ITPR1: variants seen among roughly 807,000 people sequenced by gnomAD.
The protein encoded by ITPR1 is inositol 1,4,5-trisphosphate receptor type 1, also known as inositol 1,4,5-trisphosphate-gated calcium channel ITPR1.
A neutral mutation model predicts 318.4 loss-of-function variants in ITPR1; 96 were observed. That is an observed-to-expected ratio of 0.30 (90% confidence interval 0.26 to 0.36). The LOEUF (loss-of-function observed/expected upper bound fraction) is 0.36, where lower values mean the gene tolerates loss of function less well. Ranked by LOEUF, ITPR1 falls within the 10% of genes least tolerant of loss-of-function variation. The probability of loss-of-function intolerance (pLI) is 1.00; values close to 1 mark genes in which losing one functional copy is unlikely to be tolerated. For synonymous variants in ITPR1, 1,312 were observed against 1,289.9 expected (o/e 1.02, Z -0.37); for missense variants, 2,440 against 3,460.2 (o/e 0.71, Z 7.40).
rs2094596051 is a variant in ITPR1, at chr3:4,698,639, A to G, written c.4408-1174A>G. On this transcript the variant is annotated intron_variant, in intron 34 of 61. Coordinates refer to ENST00000649015, the MANE Select transcript of ITPR1 (RefSeq NM_001378452.1). ...TAAAACTTTATTTATAAAGATAATT[A>G]CTGGCCCTGATTTTGCCGATCCTTG... Among the ~76,000 whole-genome samples, 2 of 152,214 alleles carry G rather than the reference A, an allele frequency of 1.3e-5. 1 individual carries two copies. Among genetic ancestry groups the G allele is most frequent in the African/African-American group, 4.8e-5 (2 of 41,464 alleles).
chr3:4,607,364 T>G (rs2091775624), intron 4 of ITPR1, among the ~76,000 whole-genome samples: 2 of 152,172 alleles, frequency 1.3e-5, no homozygotes, highest in African/African-American at 4.8e-5. Context: ...CAGGGCCGCT[T>G]GCCTTAGAAT....
chr3:4,706,395 C>T (rs371741307), intron 37 of ITPR1, 44 bp downstream of exon 37: 110 of 1,529,680 alleles, frequency 7.2e-5, no homozygotes, highest in East Asian at 2.7e-4. Flanking sequence ...CCTGGCCTCA[C>T]GTGATTGCCA....
rs761779906 is a variant in ITPR1, at chr3:4,788,032, G to A, written c.6701G>A (p.Arg2234Gln). ...TTCCTAACCAAGGAGTCAAAACTAC[G>A]AATTTACTATACTACAGAGAGAGAC... ...CEFLTKESKL[R>Q]IYYTTERDEQ... is the part of the protein sequence containing the mutation. The change falls in exon 52 of 62, where the codon CGA becomes CAA. Residue 2234 changes from arginine (R) to glutamine (Q), a missense_variant. Coordinates refer to ENST00000649015, the MANE Select transcript of ITPR1 (RefSeq NM_001378452.1). The A allele has an allele frequency of 3.7e-6, 6 of 1,612,540 alleles. No homozygotes were observed. Among genetic ancestry groups the A allele is most frequent in the African/African-American group, 2.7e-5 (2 of 74,884 alleles).
chr3:4,557,131 A>C (rs976893280), intron 4 of ITPR1, among the ~76,000 whole-genome samples: 11 of 152,188 alleles, frequency 7.2e-5, no homozygotes. Flanking sequence ...TCACGCTGCT[A>C]ATAAAGACAT....
chr3:4,818,955 C>T (rs886660925), intron 60 of ITPR1, among the ~76,000 whole-genome samples: 3 of 152,070 alleles, frequency 2.0e-5, no homozygotes, highest in Non-Finnish European at 2.9e-5. Flanking sequence ...TGGATAGTGG[C>T]GTGAGGAGCA....
chr3:4,586,436 G>A, intron 4 of ITPR1, among the ~76,000 whole-genome samples: 1 of 151,940 alleles, frequency 6.6e-6, no homozygotes, highest in East Asian at 1.9e-4. Context: ...TCTAGAAACG[G>A]CCTAACTGCT....
chr3:4,845,358 G>GAAGT (rs2051685319), intron 61 of ITPR1, among the ~76,000 whole-genome samples: 1 of 152,198 alleles, frequency 6.6e-6, no homozygotes, highest in South Asian at 2.1e-4. Flanking sequence ...TACAGAGACA[G>GAAGT]AAGTAAGTAT....
rs2046430803 is a variant in ITPR1, at chr3:4,775,538, T to G, written c.6180+96T>G. On this transcript the variant is annotated intron_variant, in intron 47 of 61. Coordinates refer to ENST00000649015, the MANE Select transcript of ITPR1 (RefSeq NM_001378452.1). ...CAGAAATCACGAAGCCTGTGCCTGT[T>G]GGCCTAGGGAGTCAGTAGGACAGGA... The G allele has an allele frequency of 1.2e-5, 11 of 906,506 alleles. No homozygotes were observed. In the South Asian group the frequency reaches 1.7e-4, roughly 14 times the overall value. The allele number at this position is 906,506 out of a possible 1,614,324, so 56.2% of individuals were successfully genotyped here. A position where few individuals can be genotyped will look rare whatever the true frequency, so the allele number is the denominator to read the frequency against.
chr3:4,575,218 C>T (rs868595384), intron 4 of ITPR1, among the ~76,000 whole-genome samples: 1 of 152,090 alleles, frequency 6.6e-6, no homozygotes, highest in Non-Finnish European at 1.5e-5. Context: ...TTAAGCAAAG[C>T]GTATTATGGG....
chr3:4,543,600 G>C lies in ITPR1; in HGVS notation c.163+22506G>C, dbSNP rs144121579. Among the ~76,000 whole-genome samples, 8 of 152,240 alleles carry C rather than the reference G, an allele frequency of 5.3e-5. No homozygotes were observed. In the East Asian group the frequency reaches 1.2e-3, roughly 22 times the overall value. Reference sequence around the variant, plus strand: ...TGGGGCTATAGGCACGTGCCACCACGCCTGGCTAATTTTTGTATTTTTAGT... The same window carrying C: ...TGGGGCTATAGGCACGTGCCACCACCCCTGGCTAATTTTTGTATTTTTAGT... On this transcript the variant is annotated intron_variant, in intron 4 of 61. Coordinates refer to ENST00000649015, the MANE Select transcript of ITPR1 (RefSeq NM_001378452.1).
At chr3:4,814,835 G>A (rs981034639) in intron 58 of ITPR1, 9 of 593,782 alleles carry the variant, frequency 1.5e-5, no homozygotes, top group African/African-American at 1.1e-4. Context: ...CCACCTGAAC[G>A]CACAGTGAAT....
At chr3:4,583,742 T>C (rs1372953317) in intron 4 of ITPR1, among the ~76,000 whole-genome samples, 1 of 152,192 alleles carries the variant, frequency 6.6e-6, no homozygotes, top group Non-Finnish European at 1.5e-5. Flanking sequence ...AGTTCTGCGC[T>C]GGGAACTTGA....
chr3:4,692,774 G>T (rs940867066), intron 32 of ITPR1, among the ~76,000 whole-genome samples: 15 of 152,164 alleles, frequency 9.9e-5, no homozygotes, highest in Admixed American at 1.3e-4. Context: ...GTTGATTGAA[G>T]AGATAAGATG....
intron 31 of ITPR1, among the ~76,000 whole-genome samples, chr3:4,690,693 A>G (rs2094467164): frequency 1.3e-5 from 2 of 152,210 alleles, no homozygotes; most frequent in South Asian, 4.1e-4. Flanking sequence ...TTAAAACTGG[A>G]TCCTACTCCA....
At chr3:4,511,530 A>G (rs2081822900) in intron 2 of ITPR1, among the ~76,000 whole-genome samples, 1 of 152,166 alleles carries the variant, frequency 6.6e-6, no homozygotes, top group African/African-American at 2.4e-5. Context: ...TGGCGGTCTG[A>G]TAGTACTATT....
intron 36 of ITPR1, among the ~76,000 whole-genome samples, chr3:4,703,267 C>T (rs1376885445): frequency 1.3e-5 from 2 of 152,168 alleles, no homozygotes; most frequent in African/African-American, 2.4e-5. Context: ...GTCCCTCATT[C>T]AAGAAACTAA....
intron 42 of ITPR1, among the ~76,000 whole-genome samples, chr3:4,732,194 A>G (rs1021935115): frequency 3.3e-5 from 5 of 152,240 alleles, no homozygotes; most frequent in Non-Finnish European, 7.3e-5. Context: ...AGTATCCCCC[A>G]GTATTACTGA....
chr3:4,601,063 G>A (rs889088903), intron 4 of ITPR1, among the ~76,000 whole-genome samples: 2 of 152,014 alleles, frequency 1.3e-5, no homozygotes, highest in Non-Finnish European at 1.5e-5. Context: ...CTGTGGAGAG[G>A]GTTTGGTAGA....
rs570761349 is a variant in ITPR1, at chr3:4,555,479, C to T, written c.163+34385C>T. Among the ~76,000 whole-genome samples the T allele has an allele frequency of 2.0e-5, 3 of 152,252 alleles. No homozygotes were observed. In the South Asian group the frequency reaches 6.2e-4, roughly 32 times the overall value. On this transcript the variant is annotated intron_variant, in intron 4 of 61. Coordinates refer to ENST00000649015, the MANE Select transcript of ITPR1 (RefSeq NM_001378452.1). The stretch of plus-strand genomic sequence containing the variant: ...ATTATTCTGCAATTTGGTTTTTTCA[C>T]CTGACTCCTTTCTTAACCCATTTTT...
Sources: gnomAD v4.1 joint callset for allele counts (sites outside exome capture counted in the v4.1 genomes callset) on GRCh38, gnomAD v4.1.1 for gene constraint, MANE v1.5 for transcripts, NCBI Gene and HGNC (gene_info 2026-07-23, HGNC 2026-07-21) for gene names.